Variants in SSBP2 observed in about 807,000 individuals in gnomAD.
SSBP2 encodes single stranded DNA binding protein 2.
In SSBP2, 17 loss-of-function variants were observed where a neutral mutation model predicts 61.8. The observed-to-expected ratio is 0.28, with a 90% CI of 0.19 to 0.41. The LOEUF (loss-of-function observed/expected upper bound fraction) is 0.41. SSBP2 is among the 10% of genes least tolerant of loss of function. The pLI, the probability that SSBP2 is intolerant of heterozygous loss-of-function variation, is 1.00. For missense variants in SSBP2, 310 were observed against 458.7 expected (o/e 0.68, Z 2.96); for synonymous variants, 139 against 141.3 (o/e 0.98, Z 0.12).
At chr5:81,732,516 T>A (rs1756336364) in intron 1 of SSBP2, among the ~76,000 whole-genome samples, 1 of 152,254 alleles carries the variant, frequency 6.6e-6, no homozygotes, top group South Asian at 2.1e-4. Context: ...TTTTTTTACC[T>A]AAATTCTAAA....
At chr5:81,581,456 CA>C (rs1158361095) in intron 4 of SSBP2, among the ~76,000 whole-genome samples, 3 of 152,166 alleles carry the variant, frequency 2.0e-5, no homozygotes, top group South Asian at 4.1e-4. Flanking sequence ...CCTGCAGAGC[CA>C]AGAGGAAAGA....
At chr5:81,721,699 T>C (rs1348081206) in intron 1 of SSBP2, among the ~76,000 whole-genome samples, 1 of 152,136 alleles carries the variant, frequency 6.6e-6, no homozygotes. Context: ...ATTCAAAACC[T>C]GAACTAAATT....
chr5:81,538,970 T>A (rs1249212087), intron 4 of SSBP2, among the ~76,000 whole-genome samples: 6 of 152,360 alleles, frequency 3.9e-5, no homozygotes, highest in African/African-American at 1.2e-4. Context: ...GATCATGGCG[T>A]AACTTTGACT....
At chr5:81,597,144 A>G (rs1050835038) in intron 4 of SSBP2, among the ~76,000 whole-genome samples, 10 of 152,126 alleles carry the variant, frequency 6.6e-5, no homozygotes, top group Non-Finnish European at 1.2e-4. Context: ...AATCTACAAC[A>G]AACTCAAACA....
At chr5:81,646,688 A>ATTTTTTTTTTTTTTTTTTTT in intron 2 of SSBP2, among the ~76,000 whole-genome samples, 1 of 85,946 alleles carries the variant, frequency 1.2e-5, no homozygotes. Context: ...TGATGATGTC[A>ATTTTTTTTTTTTTTTTTTTT]TTTTTTTTTT....
At chr5:81,432,224 A>G (rs1311445745) in intron 15 of SSBP2, among the ~76,000 whole-genome samples, 1 of 152,062 alleles carries the variant, frequency 6.6e-6, no homozygotes, top group African/African-American at 2.4e-5. Flanking sequence ...ATGATGGTGT[A>G]GATCTCTAGT....
At chr5:81,591,235 A>C (rs1003455552) in intron 4 of SSBP2, among the ~76,000 whole-genome samples, 1 of 152,208 alleles carries the variant, frequency 6.6e-6, no homozygotes, top group African/African-American at 2.4e-5. Context: ...GAGCACAAAC[A>C]AAACCCAAGC....
chr5:81,448,796 A>G lies in SSBP2; in HGVS notation c.717T>C (p.Asn239=). The G allele has an allele frequency of 6.2e-7, 1 of 1,612,956 alleles. No individual in the cohort carries two copies. The highest frequency in any genetic ancestry group is 8.5e-7 in the Non-Finnish European group (1 of 1,179,600). ...CAAACCCAAATGTACTTACTACATA[A>G]TTCCCAGGAGATGCTGAGGAGTATG... The change falls in exon 11 of 17, where the codon AAT becomes AAC. Residue 239 remains asparagine (N), a synonymous_variant. Transcript: ENST00000320672.
chr5:81,742,884 AAAT>A (rs1484336790), intron 1 of SSBP2, among the ~76,000 whole-genome samples: 5 of 152,158 alleles, frequency 3.3e-5, no homozygotes, highest in Non-Finnish European at 7.3e-5. Context: ...CATCTCAAAA[AAAT>A]AATAATACAA....
intron 3 of SSBP2, among the ~76,000 whole-genome samples, chr5:81,623,331 CTTTTTT>C (rs35687529): frequency 8.1e-5 from 9 of 110,592 alleles, no homozygotes; most frequent in African/African-American, 2.9e-4. Context: ...CATTGTAGTA[CTTTTTT>C]TTTTTTTTTT....
intron 4 of SSBP2, among the ~76,000 whole-genome samples, chr5:81,553,414 C>T (rs1772357087): frequency 6.6e-6 from 1 of 152,102 alleles, no homozygotes; most frequent in Admixed American, 6.5e-5. Context: ...CCTCTCCACA[C>T]ACTACATACT....
chr5:81,432,677 T>C (rs761442570), intron 15 of SSBP2, among the ~76,000 whole-genome samples: 11 of 151,906 alleles, frequency 7.2e-5, no homozygotes, highest in Non-Finnish European at 1.5e-4. Context: ...ACCTGGGAGG[T>C]AGAGGTTGCA....
intron 4 of SSBP2, among the ~76,000 whole-genome samples, chr5:81,550,799 TA>T (rs1772115704): frequency 6.6e-6 from 1 of 152,142 alleles, no homozygotes; most frequent in South Asian, 2.1e-4. Flanking sequence ...AAAAGAAGTT[TA>T]GAAATCATAG....
At chr5:81,560,786 G>A (rs73766273) in intron 4 of SSBP2, among the ~76,000 whole-genome samples, 8,950 of 151,904 alleles carry the variant, frequency 0.059, 876 homozygotes, top group African/African-American at 0.2. Flanking sequence ...ATATATTTAA[G>A]GTATTAAATT....
At chr5:81,604,240 A>ATTTTC (rs1266889970) in intron 4 of SSBP2, among the ~76,000 whole-genome samples, 3 of 150,272 alleles carry the variant, frequency 2.0e-5, no homozygotes, top group Non-Finnish European at 4.4e-5. Flanking sequence ...GGCTTCATGA[A>ATTTTC]TTTTCTTTTC....
intron 12 of SSBP2, chr5:81,443,053 TAATATATAATATCTCTTAA>T (rs1313752906): frequency 1.3e-5 from 2 of 158,298 alleles, no homozygotes; most frequent in Non-Finnish European, 2.8e-5. Flanking sequence ...TGTGTATATG[TAATATATAATATCTCTTAA>T]AATTCAGATT....
At chr5:81,716,586 T>C (rs2153956701) in intron 1 of SSBP2, among the ~76,000 whole-genome samples, 1 of 152,318 alleles carries the variant, frequency 6.6e-6, no homozygotes, top group African/African-American at 2.4e-5. Context: ...ATGCTGAATA[T>C]GCAAATTACA....
intron 2 of SSBP2, among the ~76,000 whole-genome samples, chr5:81,636,923 T>C (rs879605202): frequency 6.6e-5 from 10 of 152,344 alleles, no homozygotes; most frequent in Admixed American, 1.3e-4. Flanking sequence ...TGGAGATCCA[T>C]ACACTACCTT....
intron 4 of SSBP2, among the ~76,000 whole-genome samples, chr5:81,560,909 A>T (rs1277913217): frequency 6.6e-6 from 1 of 152,144 alleles, no homozygotes; most frequent in East Asian, 1.9e-4. Context: ...ACAATACAGA[A>T]TTATTAATTA....
Sources: allele counts gnomAD v4.1 joint callset (sites outside exome capture counted in the v4.1 genomes callset), GRCh38; gene constraint gnomAD v4.1.1; transcripts MANE v1.5; gene names NCBI Gene and HGNC (gene_info 2026-07-23, HGNC 2026-07-21).